PLCB4: variants seen among roughly 807,000 people sequenced by gnomAD.
PLCB4 encodes phospholipase C beta 4.
A neutral mutation model predicts 178.8 loss-of-function variants in PLCB4; 77 were observed. That is an observed-to-expected ratio of 0.43 (90% confidence interval 0.36 to 0.52). PLCB4 has a LOEUF of 0.52. Among genes scored for constraint, PLCB4 ranks in the 20% least tolerant of loss-of-function variants. The pLI is 0.00. For missense variants in PLCB4, 1,024 were observed against 1,453.4 expected, an observed-to-expected ratio of 0.70 and a Z score of 4.80; for synonymous variants, 496 against 490.8, an observed-to-expected ratio of 1.01 and a Z score of -0.14.
At chr20:9,406,789 CCAGCAT>C (rs1178243358) in intron 21 of PLCB4, among the ~76,000 whole-genome samples, 1 of 152,162 alleles carries the variant, frequency 6.6e-6, no homozygotes, top group Non-Finnish European at 1.5e-5. Flanking sequence ...GCCACTGCGC[CCAGCAT>C]CTGACCATTT....
rs2094490791 is a variant in PLCB4 at position 9,281,010 on chromosome 20, C to A, written c.-15-26790C>A. Reference sequence around the variant, plus strand: ...AATAAATACTGTTTTGAAAGTTTCTCTGAAATTAGTTTCCCATATTAAATC... The same window carrying A: ...AATAAATACTGTTTTGAAAGTTTCTATGAAATTAGTTTCCCATATTAAATC... On this transcript the variant is annotated intron_variant, in intron 3 of 39. Coordinates refer to ENST00000378473, the MANE Select transcript of PLCB4 (RefSeq NM_001377142.1). Among the ~76,000 whole-genome samples the A allele has an allele frequency of 4.0e-5, 6 of 151,490 alleles. No individual in the cohort carries two copies. The South Asian group carries it at 1.3e-3, about 32-fold the overall frequency.
chr20:9,306,599 A>G (rs2094770090), intron 3 of PLCB4, among the ~76,000 whole-genome samples: 1 of 152,314 alleles, frequency 6.6e-6, no homozygotes, highest in Middle Eastern at 3.4e-3. Context: ...TGCTGAAGTC[A>G]GGTCCTGTTT....
At chr20:9,424,252 A>G (rs2040842342) in intron 28 of PLCB4, among the ~76,000 whole-genome samples, 1 of 152,204 alleles carries the variant, frequency 6.6e-6, no homozygotes, top group East Asian at 1.9e-4. Flanking sequence ...TATATTGACA[A>G]TCAGACTAGG....
chr20:9,170,258 A>G (rs1440831051), intron 2 of PLCB4, among the ~76,000 whole-genome samples: 1 of 152,224 alleles, frequency 6.6e-6, no homozygotes, highest in Non-Finnish European at 1.5e-5. Flanking sequence ...TTACTTTCAT[A>G]CTTAGGAATG....
chr20:9,406,784 T>C (rs6056601), intron 21 of PLCB4, among the ~76,000 whole-genome samples: 24,114 of 152,166 alleles, frequency 0.16, 2,989 homozygotes, highest in African/African-American at 0.33. Context: ...CGTGAGCCAC[T>C]GCGCCCAGCA....
intron 3 of PLCB4, among the ~76,000 whole-genome samples, chr20:9,238,113 GC>G (rs1053700934): frequency 1.8e-4 from 28 of 152,310 alleles, no homozygotes; most frequent in Admixed American, 5.9e-4. Context: ...GTTTTCCAGA[GC>G]AGCTGGAAAG....
intron 35 of PLCB4, among the ~76,000 whole-genome samples, chr20:9,467,807 G>A (rs572280137): frequency 3.3e-5 from 5 of 152,146 alleles, no homozygotes; most frequent in Non-Finnish European, 5.9e-5. Flanking sequence ...TAACCTGACT[G>A]CTTGTATGCT....
At chr20:9,076,405 T>A (rs2089867639) in intron 1 of PLCB4, among the ~76,000 whole-genome samples, 1 of 152,122 alleles carries the variant, frequency 6.6e-6, no homozygotes, top group Admixed American at 6.5e-5. Context: ...AGGCAGAGGC[T>A]GCAGTGAGCC....
chr20:9,293,489 GAGGAAGGA>G lies in PLCB4; in HGVS notation c.-15-14293_-15-14286del, dbSNP rs55792615. 2.7e-3 allele frequency among the ~76,000 whole-genome samples: 411 copies of G among 150,514 alleles called. 2 individuals are homozygous for G. The highest frequency in any genetic ancestry group is 4.5e-3 in the Non-Finnish European group (303 of 67,510). ...TGTCAGAAAGAGAGAAAGAGGACGA[GAGGAAGGA>G]AGGAAGGAAGGAAGGAAAGAAAGAA... On this transcript the variant is annotated intron_variant, in intron 3 of 39. Coordinates refer to ENST00000378473, the MANE Select transcript of PLCB4 (RefSeq NM_001377142.1).
chr20:9,455,319 T>G (rs2042990860), intron 33 of PLCB4, among the ~76,000 whole-genome samples: 1 of 152,200 alleles, frequency 6.6e-6, no homozygotes, highest in Non-Finnish European at 1.5e-5. Flanking sequence ...AAACCAAAAA[T>G]TTTTATTAAG....
intron 21 of PLCB4, among the ~76,000 whole-genome samples, chr20:9,407,127 A>G (rs2039499272): frequency 6.6e-6 from 1 of 152,174 alleles, no homozygotes; most frequent in East Asian, 1.9e-4. Flanking sequence ...CATAGTCCCC[A>G]AAGAGGCAGC....
At chr20:9,417,053 G>T (rs2040299472) in intron 25 of PLCB4, among the ~76,000 whole-genome samples, 1 of 152,030 alleles carries the variant, frequency 6.6e-6, no homozygotes, top group Non-Finnish European at 1.5e-5. Context: ...TAAAAGTTAT[G>T]CTTCTAAGAA....
chr20:9,236,634 A>T (rs972225868), intron 3 of PLCB4, among the ~76,000 whole-genome samples: 2 of 152,102 alleles, frequency 1.3e-5, no homozygotes, highest in Non-Finnish European at 1.5e-5. Context: ...TCTGCAACAG[A>T]TCAGTGCTGG....
rs573823413 is a variant in PLCB4 at position 9,319,265 on chromosome 20, G to A, written c.84+11367G>A. ...GTTAATAATTTTGAAGTCCCTTCTCGATTGATAAAATTGCACTTCTTTAAA... is the reference window on the plus strand; with the variant it reads ...GTTAATAATTTTGAAGTCCCTTCTCAATTGATAAAATTGCACTTCTTTAAA... On this transcript the variant is annotated intron_variant, in intron 4 of 39. Coordinates refer to ENST00000378473, the MANE Select transcript of PLCB4 (RefSeq NM_001377142.1). 3.9e-5 allele frequency among the ~76,000 whole-genome samples: 6 copies of A among 152,186 alleles called. No homozygotes were observed. In the South Asian group the frequency reaches 1.0e-3, roughly 26 times the overall value.
chr20:9,107,295 C>T (rs2091402630), intron 2 of PLCB4, among the ~76,000 whole-genome samples: 1 of 152,158 alleles, frequency 6.6e-6, no homozygotes, highest in South Asian at 2.1e-4. Flanking sequence ...TCTCAGCTTG[C>T]AGCTTAAATT....
At chr20:9,090,115 C>G (rs1267166484) in intron 1 of PLCB4, among the ~76,000 whole-genome samples, 2 of 151,910 alleles carry the variant, frequency 1.3e-5, no homozygotes, top group African/African-American at 4.8e-5. Context: ...TGTTATGAAG[C>G]CTGTTTTTTA....
At chr20:9,231,783 G>A (rs544512865) in intron 3 of PLCB4, among the ~76,000 whole-genome samples, 5 of 152,214 alleles carry the variant, frequency 3.3e-5, no homozygotes, top group East Asian at 1.9e-4. Context: ...TATGACTCCA[G>A]CAATTTTACT....
chr20:9,254,496 G>A (rs1460234730), intron 3 of PLCB4, among the ~76,000 whole-genome samples: 5 of 152,062 alleles, frequency 3.3e-5, no homozygotes, highest in Admixed American at 2.6e-4. Context: ...CTAGGAGTTC[G>A]AGACCAGCCT....
At chr20:9,370,990 G>C (rs2036208614) in intron 9 of PLCB4, 1 of 455,944 alleles carries the variant, frequency 2.2e-6, no homozygotes, top group African/African-American at 2.0e-5. Context: ...GGGGACCCCT[G>C]GTCTTAGATT....
Sources: allele counts gnomAD v4.1 joint callset (sites outside exome capture counted in the v4.1 genomes callset), GRCh38; gene constraint gnomAD v4.1.1; transcripts MANE v1.5; gene names NCBI Gene and HGNC (gene_info 2026-07-23, HGNC 2026-07-21).